CCN2: variants seen among roughly 807,000 people sequenced by gnomAD.
The protein encoded by CCN2 is CCN family member 2.
In CCN2, 22 loss-of-function variants were observed where a neutral mutation model predicts 33.2. That is an observed-to-expected ratio of 0.66 (90% CI 0.47 to 0.95). The LOEUF (loss-of-function observed/expected upper bound fraction) is 0.95, where lower values mean the gene tolerates loss of function less well. CCN2 is among the 40% of genes least tolerant of loss of function. CCN2 has a pLI of 0.00. For missense variants in CCN2, 469 were observed against 498.8 expected (o/e 0.94, Z 0.57); for synonymous variants, 178 against 200.6 (o/e 0.89, Z 0.95).
rs1440452741 is a variant in CCN2, at chr6:131,950,846, G to A, written c.213C>T (p.Arg71=). The A allele has an allele frequency of 3.3e-6, 5 of 1,535,872 alleles. No individual in the cohort carries two copies. Among genetic ancestry groups the A allele is most frequent in the African/African-American group, 2.7e-5 (2 of 73,084 alleles). ...AKQLGELCTE[R]DPCDPHKGLF... is the part of the protein sequence containing the mutation. ...GGCCCTTGTGCGGGTCGCATGGGTC[G>A]CGCTCGGTGCACAGCTCGCCCAGCT... Residue 71 remains arginine, a synonymous_variant, in exon 2 of 5, where the codon CGC becomes CGT. Coordinates refer to ENST00000367976, the MANE Select transcript of CCN2 (RefSeq NM_001901.4). This position sits in a 1 kb window ranked among gnomAD's most constrained non-coding sequence, Gnocchi z 7.1.
chr6:131,950,176 A>G lies in CCN2; in HGVS notation c.542-16T>C, dbSNP rs370975478. ...AGTCGGTAAGCTGCGAGAGCAGAGC[A>G]CACAAACACCATGTAAAACGCCTGG... is the stretch of plus-strand genomic sequence containing the variant. On this transcript the variant is annotated splice_polypyrimidine_tract_variant and intron_variant, in intron 3 of 4. Transcript: ENST00000367976. This position sits in a 1 kb window ranked among gnomAD's most constrained non-coding sequence, Gnocchi z 7.1. 2.5e-6 allele frequency: 4 copies of G among 1,614,138 alleles called. No homozygotes were observed. The highest frequency in any genetic ancestry group is 2.5e-6 in the Non-Finnish European group (3 of 1,179,982).
In CCN2 at chr6:131,949,891, T is replaced by C; in HGVS notation, c.753+58A>G. On this transcript the variant is annotated intron_variant, in intron 4 of 4. Coordinates refer to ENST00000367976, the MANE Select transcript of CCN2 (RefSeq NM_001901.4). ...TAACAAGCGTGGCAAGAGCCCTAAGTTGGGTCCTATCCACTGTTTTTCCTG... is the reference window on the plus strand; with the variant it reads ...TAACAAGCGTGGCAAGAGCCCTAAGCTGGGTCCTATCCACTGTTTTTCCTG... 10 of 1,537,170 alleles carry C rather than the reference T, an allele frequency of 6.5e-6. No individual in the cohort carries two copies. The South Asian group carries it at 1.2e-4, about 18-fold the overall frequency.
chr6:131,950,972 G>T lies in CCN2; in HGVS notation c.87C>A (p.Cys29Ter). Residue 29 changes from cysteine to a stop codon, truncating the protein, a stop_gained, in exon 2 of 5, where the codon TGC becomes TGA. Coordinates refer to ENST00000367976, the MANE Select transcript of CCN2 (RefSeq NM_001901.4). LOFTEE classifies it high-confidence loss of function. The surrounding 1 kb of genome is among the most constrained non-coding windows in gnomAD (Gnocchi z 7.1). The part of the protein sequence containing the change: ...LCSRPAVGQN[C>*]SGPCRCPDEP... ...CGTCCGGGCACCGGCACGGCCCGCT[G>T]CAGTTCTGGCCGACGGCCGGCTGCA... 1 of 1,345,646 alleles carries T rather than the reference G, an allele frequency of 7.4e-7. No individual in the cohort carries two copies. The highest frequency in any genetic ancestry group is 1.9e-5 in the South Asian group (1 of 51,878). The allele number at this position is 1,345,646 out of a possible 1,614,324, so 83.4% of individuals were successfully genotyped here.
rs766110787 is a variant in CCN2, at chr6:131,950,032, C to G, written c.670G>C (p.Asp224His). Reference sequence around the variant, plus strand: ...TTCTCTAGCCTGCAGGAGGCGTTGTCATTGGTAACCCGGGTGGAGATGCCC... The same window carrying G: ...TTCTCTAGCCTGCAGGAGGCGTTGTGATTGGTAACCCGGGTGGAGATGCCC... ...GMGISTRVTN[D>H]NASCRLEKQS... The change falls in exon 4 of 5, where the codon GAC becomes CAC. Residue 224 changes from aspartate to histidine, a missense_variant. Asp to His is a moderately conservative substitution (Grantham distance 81). Coordinates refer to ENST00000367976, the MANE Select transcript of CCN2 (RefSeq NM_001901.4). This position sits in a 1 kb window ranked among gnomAD's most constrained non-coding sequence, Gnocchi z 7.1. 1.2e-6 allele frequency: 2 copies of G among 1,614,188 alleles called. No homozygotes were observed. Among genetic ancestry groups the G allele is most frequent in the Admixed American group, 1.7e-5 (1 of 60,030 alleles).
At chr6:131,949,917 T>TG in intron 4 of CCN2, 32 bp downstream of exon 4, 3 of 1,603,896 alleles carry the variant, frequency 1.9e-6, no homozygotes, top group Non-Finnish European at 2.6e-6. Flanking sequence ...GTTTTTCCTG[T>TG]GAAAAATAGT....
rs1405765952 is a variant in CCN2, at chr6:131,949,226, T to C, written c.*38A>G. On this transcript the variant is annotated 3_prime_UTR_variant, in exon 5 of 5. Coordinates refer to ENST00000367976, the MANE Select transcript of CCN2 (RefSeq NM_001901.4). Reference sequence around the variant, plus strand: ...AAAATGAGATGTGAATCAGTTCAAGTTCCAGTCTAATGAGTTAATGTCTCT... The same window carrying C: ...AAAATGAGATGTGAATCAGTTCAAGCTCCAGTCTAATGAGTTAATGTCTCT... 3 of 1,553,164 alleles carry C rather than the reference T, an allele frequency of 1.9e-6. No homozygotes were observed. The highest frequency in any genetic ancestry group is 1.8e-6 in the Non-Finnish European group (2 of 1,127,068).
chr6:131,950,552 G>T lies in CCN2; in HGVS notation c.290-9C>A. On this transcript the variant is annotated splice_polypyrimidine_tract_variant and intron_variant, in intron 2 of 4. Coordinates refer to ENST00000367976, the MANE Select transcript of CCN2 (RefSeq NM_001901.4). The surrounding 1 kb of genome is among the most constrained non-coding windows in gnomAD (Gnocchi z 7.1). Reference sequence around the variant, plus strand: ...GGGAGCACCATCTTTGGCTGGAGAAGAGGAAGGGAAGAGAGGGGTGGGGGA... The same window carrying T: ...GGGAGCACCATCTTTGGCTGGAGAATAGGAAGGGAAGAGAGGGGTGGGGGA... 1 of 1,611,922 alleles carries T rather than the reference G, an allele frequency of 6.2e-7. No individual in the cohort carries two copies. The highest frequency in any genetic ancestry group is 1.7e-5 in the Admixed American group (1 of 59,996).
chr6:131,950,707 C>A lies in CCN2; in HGVS notation c.289+63G>T, dbSNP rs1783092543. 2 of 1,431,460 alleles carry A rather than the reference C, an allele frequency of 1.4e-6. No homozygotes were observed. Among genetic ancestry groups the A allele is most frequent in the African/African-American group, 1.4e-5 (1 of 68,970 alleles). The allele number at this position is 1,431,460 out of a possible 1,614,324, so 88.7% of individuals were successfully genotyped here. A position where few individuals can be genotyped will look rare whatever the true frequency, so the allele number is the denominator to read the frequency against. ...CAGTCCGAGCGGTTTCTTTTTCCAG[C>A]GGGCGGGTGGGCGTGAGGGAGGAGG... On this transcript the variant is annotated intron_variant, in intron 2 of 4. Coordinates refer to ENST00000367976, the MANE Select transcript of CCN2 (RefSeq NM_001901.4). The surrounding 1 kb of genome is among the most constrained non-coding windows in gnomAD (Gnocchi z 7.1).
At chr6:131,949,761 T>C (rs1468332371) in intron 4 of CCN2, among the ~76,000 whole-genome samples, 188 bp downstream of exon 4, 1 of 152,198 alleles carries the variant, frequency 6.6e-6, no homozygotes, top group Admixed American at 6.5e-5. Flanking sequence ...TAACTAACCC[T>C]GTGGAAGATT....
chr6:131,950,517 C>G lies in CCN2; in HGVS notation c.316G>C (p.Gly106Arg). 1 of 1,613,620 alleles carries G rather than the reference C, an allele frequency of 6.2e-7. No individual in the cohort carries two copies. Among genetic ancestry groups the G allele is most frequent in the South Asian group, 1.1e-5 (1 of 91,058 alleles). The stretch of plus-strand genomic sequence containing the variant: ...TCTCCGCTGCGGTACACCGTACCAC[C>G]GAAGATGCAGGGAGCACCATCTTTG... ...TAKDGAPCIF[G>R]GTVYRSGESF... Residue 106 changes from glycine to arginine, a missense_variant, in exon 3 of 5, where the codon GGT becomes CGT. Physicochemically the swap from Gly to Arg is moderately radical, Grantham distance 125. Coordinates refer to ENST00000367976, the MANE Select transcript of CCN2 (RefSeq NM_001901.4). This position sits in a 1 kb window ranked among gnomAD's most constrained non-coding sequence, Gnocchi z 7.1.
At chr6:131,949,587 GGA>G in intron 4 of CCN2, 27 bp from the exon 5 acceptor site, 8 of 692,462 alleles carry the variant, frequency 1.2e-5, no homozygotes, top group African/African-American at 2.8e-5. Flanking sequence ...AAAAGAGAGA[GGA>G]AAAAAAAAAA....
Position 131,949,949 on chromosome 6 carries a change from C to T in CCN2, c.753G>A (p.Lys251=). 6.2e-7 allele frequency: 1 copy of T among 1,613,596 alleles called. No homozygotes were observed. Among genetic ancestry groups the T allele is most frequent in the Non-Finnish European group, 8.5e-7 (1 of 1,179,532 alleles). ...TAGTTAATAGGAGCAGAACATGTAC[C>T]TTAATGTTCTCTTCCAGGTCAGCTT... The part of the protein sequence containing the change: ...PCEADLEENI[K]KGKKCIRTPK... Residue 251 remains lysine (K), a splice_region_variant and synonymous_variant, in exon 4 of 5, where the codon AAG becomes AAA. Coordinates refer to ENST00000367976, the MANE Select transcript of CCN2 (RefSeq NM_001901.4).
In CCN2 at chr6:131,948,934, A is replaced by G. The variant is rs1373030835; in HGVS notation, c.*330T>C. 2 of 306,548 alleles carry G rather than the reference A, an allele frequency of 6.5e-6. No individual in the cohort carries two copies. The allele number at this position is 306,548 out of a possible 1,614,324, so 19.0% of individuals were successfully genotyped here. A position where few individuals can be genotyped will look rare whatever the true frequency, so the allele number is the denominator to read the frequency against. Reference sequence around the variant, plus strand: ...CTCAATTACACTTCAAATAGCAGGCATATTACTCGTATAAGATGCTATCTG... The same window carrying G: ...CTCAATTACACTTCAAATAGCAGGCGTATTACTCGTATAAGATGCTATCTG... On this transcript the variant is annotated 3_prime_UTR_variant, in exon 5 of 5. Coordinates refer to ENST00000367976, the MANE Select transcript of CCN2 (RefSeq NM_001901.4).
Position 131,949,430 on chromosome 6 carries a change from G to A in CCN2, c.884C>T (p.Pro295Leu). ...GVCTDGRCCT[P>L]HRTTTLPVEF... ...CACCGGCAGGGTGGTGGTTCTGTGG[G>A]GGGTGCAGCATCGGCCGTCGGTACA... Residue 295 changes from proline (P) to leucine (L), a missense_variant, in exon 5 of 5, where the codon CCC becomes CTC. By Grantham distance (98) the Pro-to-Leu change is moderately conservative. Transcript: ENST00000367976. The A allele has an allele frequency of 6.2e-7, 1 of 1,614,192 alleles. No homozygotes were observed. Among genetic ancestry groups the A allele is most frequent in the African/African-American group, 1.3e-5 (1 of 75,030 alleles).
In CCN2 at chr6:131,950,606, A is replaced by G. The variant is rs1184765498; in HGVS notation, c.290-63T>C. On this transcript the variant is annotated intron_variant, in intron 2 of 4. Transcript: ENST00000367976. The surrounding 1 kb of genome is among the most constrained non-coding windows in gnomAD (Gnocchi z 7.1). ...AGAGGTCAGGCATTGGGGCACTCTC[A>G]CATCCAGAGCGTCAGGGATGCGAGT... is the stretch of plus-strand genomic sequence containing the variant. 3 of 1,578,288 alleles carry G rather than the reference A, an allele frequency of 1.9e-6. No individual in the cohort carries two copies. The highest frequency in any genetic ancestry group is 2.6e-6 in the Non-Finnish European group (3 of 1,158,512).
In CCN2 at chr6:131,950,240, T is replaced by TCCC; in HGVS notation, c.541+49_541+51dup. The TCCC allele has an allele frequency of 6.2e-7, 1 of 1,610,164 alleles. No homozygotes were observed. Among genetic ancestry groups the TCCC allele is most frequent in the Non-Finnish European group, 8.5e-7 (1 of 1,177,022 alleles). ...CCCGTTCGGTCGGCACAGTTAGGAC[T>TCCC]CCCTCCCTGGGAGAGAATCACGACC... On this transcript the variant is annotated intron_variant, in intron 3 of 4. Coordinates refer to ENST00000367976, the MANE Select transcript of CCN2 (RefSeq NM_001901.4). The surrounding 1 kb of genome is among the most constrained non-coding windows in gnomAD (Gnocchi z 7.1).
In CCN2 at chr6:131,951,220, A is replaced by G; in HGVS notation, c.-48T>C. 1.6e-6 allele frequency: 2 copies of G among 1,260,144 alleles called. No individual in the cohort carries two copies. The highest frequency in any genetic ancestry group is 3.0e-5 in the South Asian group (1 of 33,592). 78.1% of individuals were successfully genotyped at this position (1,260,144 alleles called of 1,614,324 possible). On this transcript the variant is annotated 5_prime_UTR_variant, in exon 1 of 5. Transcript: ENST00000367976. ...GAGGGCGCGGTGGCGGCGAGCGGGG[A>G]GCGGCGGGGCCTGGAGCGCTGGCGG...
Position 131,950,217 on chromosome 6 carries a change from C to A in CCN2, c.542-57G>T. Reference sequence around the variant, plus strand: ...AAACGCCTGGATAAGGTATTTCCCCCGTTCGGTCGGCACAGTTAGGACTCC... The same window carrying A: ...AAACGCCTGGATAAGGTATTTCCCCAGTTCGGTCGGCACAGTTAGGACTCC... On this transcript the variant is annotated intron_variant, in intron 3 of 4. Transcript: ENST00000367976. This position sits in a 1 kb window ranked among gnomAD's most constrained non-coding sequence, Gnocchi z 7.1. 4 of 1,611,344 alleles carry A rather than the reference C, an allele frequency of 2.5e-6. No homozygotes were observed. The South Asian group carries it at 4.4e-5, about 18-fold the overall frequency.
Position 131,950,288 on chromosome 6 carries a change from T to G in CCN2, c.541+4A>C. 1 of 1,612,778 alleles carries G rather than the reference T, an allele frequency of 6.2e-7. No homozygotes were observed. On this transcript the variant is annotated splice_donor_region_variant and intron_variant, in intron 3 of 4. Coordinates refer to ENST00000367976, the MANE Select transcript of CCN2 (RefSeq NM_001901.4). The surrounding 1 kb of genome is among the most constrained non-coding windows in gnomAD (Gnocchi z 7.1). ...ACCCTGACTTAGAGGAAGACTCGAC[T>G]CACCCGCGAGGGCAGGCCCAACCAC...
Sources: gnomAD v4.1 joint callset for allele counts (sites outside exome capture counted in the v4.1 genomes callset) on GRCh38, gnomAD v4.1.1 for gene constraint, Gnocchi (gnomAD v3.1) non-coding constraint, MANE v1.5 for transcripts, NCBI Gene and HGNC (gene_info 2026-07-23, HGNC 2026-07-21) for gene names.